The following LIPA variants were observed in gnomAD, a reference collection of about 807,000 sequenced individuals.
LIPA encodes lipase A, lysosomal acid type.
LIPA carries 26 observed loss-of-function variants against 40.6 expected under a neutral mutation model. That is an observed-to-expected ratio of 0.64 (90% CI 0.47 to 0.89). LIPA has a LOEUF of 0.89. Among genes scored for constraint, LIPA ranks in the 40% least tolerant of loss-of-function variants. LIPA has a pLI of 0.00. For synonymous variants in LIPA, 188 were observed against 168.4 expected (o/e 1.12, Z -0.90); for missense variants, 455 against 479.6 (o/e 0.95, Z 0.48).
chr10:89,240,847 A>G (rs543507607), intron 3 of LIPA, among the ~76,000 whole-genome samples: 1 of 152,238 alleles, frequency 6.6e-6, no homozygotes, highest in East Asian at 1.9e-4. Flanking sequence ...TTAAATCGCA[A>G]TGTCACAGGA....
intron 2 of LIPA, among the ~76,000 whole-genome samples, chr10:89,373,374 G>A (rs906028042): frequency 6.7e-6 from 1 of 148,428 alleles, no homozygotes; most frequent in African/African-American, 2.6e-5. Flanking sequence ...ACACGTGGGA[G>A]TCAGCCAGAA....
At chr10:89,367,624 G>C (rs1477418045) in intron 2 of LIPA, among the ~76,000 whole-genome samples, 2 of 152,206 alleles carry the variant, frequency 1.3e-5, no homozygotes, top group Non-Finnish European at 2.9e-5. Flanking sequence ...CTGATCAGGA[G>C]AGTCTGAATC....
upstream of LIPA, among the ~76,000 whole-genome samples, chr10:89,255,036 C>G (rs1843173956): frequency 1.3e-5 from 2 of 152,218 alleles, no homozygotes; most frequent in Non-Finnish European, 2.9e-5. Context: ...TTTCCCACGT[C>G]TTCCTGACTT....
chr10:89,226,759 T>G lies in LIPA; in HGVS notation c.538+136A>C, dbSNP rs1842774657. Reference sequence around the variant, plus strand: ...CTAAATGTTACCAACATTCCTTATCTTATTCATTATTTCTGTTTGGCATTT... The same window carrying G: ...CTAAATGTTACCAACATTCCTTATCGTATTCATTATTTCTGTTTGGCATTT... On this transcript the variant is annotated intron_variant, in intron 5 of 9. Transcript: ENST00000336233. 21 of 650,180 alleles carry G rather than the reference T, an allele frequency of 3.2e-5. No individual in the cohort carries two copies. The South Asian group carries it at 3.8e-4, about 12-fold the overall frequency. The allele number at this position is 650,180 out of a possible 1,614,324, so 40.3% of individuals were successfully genotyped here. A position where few individuals can be genotyped will look rare whatever the true frequency, so the allele number is the denominator to read the frequency against.
In LIPA at chr10:89,251,712, AGCGCCGCG is replaced by A. The variant is rs1044857442; in HGVS notation, c.-2+17_-2+24del. ...CTTCCACGCCGCACCCGCACCTGGCAGCGCCGCGGCGCCGGCACTCTCACCTGGAGCTG... is the reference window on the plus strand; with the variant it reads ...CTTCCACGCCGCACCCGCACCTGGCAGCGCCGGCACTCTCACCTGGAGCTG... On this transcript the variant is annotated intron_variant, in intron 1 of 9. Transcript: ENST00000336233. 2.0e-4 allele frequency: 30 copies of A among 152,426 alleles called. No homozygotes were observed. The highest frequency in any genetic ancestry group is 7.0e-4 in the African/African-American group (29 of 41,568). 9.4% of individuals were successfully genotyped at this position (152,426 alleles called of 1,614,324 possible).
At position 89,222,595 on chromosome 10, in the gene LIPA, TA is replaced by T; in HGVS notation, c.823-14del. On this transcript the variant is annotated splice_polypyrimidine_tract_variant and intron_variant, in intron 7 of 9. Transcript: ENST00000336233. Reference sequence around the variant, plus strand: ...CATCCACTCTAGACTGCAAAATAAATACATTGAAATGAAGAATGAAAACAGC... The same window carrying T: ...CATCCACTCTAGACTGCAAAATAAATCATTGAAATGAAGAATGAAAACAGC... 1 of 1,486,580 alleles carries T rather than the reference TA, an allele frequency of 6.7e-7. No homozygotes were observed. The highest frequency in any genetic ancestry group is 9.4e-7 in the Non-Finnish European group (1 of 1,063,700). The allele number at this position is 1,486,580 out of a possible 1,614,324, so 92.1% of individuals were successfully genotyped here.
chr10:89,331,019 AC>A (rs1225374137), intron 1 of LIPA, among the ~76,000 whole-genome samples: 1 of 152,008 alleles, frequency 6.6e-6, no homozygotes, highest in Non-Finnish European at 1.5e-5. Flanking sequence ...AGTTTATTCA[AC>A]AAAAAGTTGA....
chr10:89,339,502 T>C lies in LIPA; in HGVS notation c.-2+3109A>G. ...TGGCTACCTCTATCACCAGATTGGG[T>C]GCTGCTACAAGGCAAAAGTAAGACA... On this transcript the variant is annotated intron_variant, in intron 1 of 5. Transcript: ENST00000282673. 1.2e-6 allele frequency: 2 copies of C among 1,614,128 alleles called. No homozygotes were observed. The highest frequency in any genetic ancestry group is 3.3e-4 in the Middle Eastern group (2 of 6,062).
chr10:89,375,368 G>A (rs185531418), intron 2 of LIPA, among the ~76,000 whole-genome samples: 3 of 152,262 alleles, frequency 2.0e-5, no homozygotes, highest in Admixed American at 6.5e-5. Flanking sequence ...AAGGTAAAGG[G>A]TTTTAATAGT....
intron 1 of LIPA, among the ~76,000 whole-genome samples, chr10:89,323,772 A>T (rs896106396): frequency 1.3e-5 from 2 of 152,232 alleles, no homozygotes; most frequent in African/African-American, 4.8e-5. Context: ...AACATTGTTC[A>T]AAGAAATCAG....
At chr10:89,225,284 GAA>G (rs1842754267) in intron 5 of LIPA, 56 bp from the exon 6 acceptor site, 1 of 1,610,436 alleles carries the variant, frequency 6.2e-7, no homozygotes, top group Non-Finnish European at 8.5e-7. Flanking sequence ...TTCCTTCTCA[GAA>G]AACACAAAGG....
rs576394167 is a variant in LIPA, at chr10:89,384,234, C to G, written c.61+28557G>C. 8 of 1,614,170 alleles carry G rather than the reference C, an allele frequency of 5.0e-6. No individual in the cohort carries two copies. Among genetic ancestry groups the G allele is most frequent in the Non-Finnish European group, 6.8e-6 (8 of 1,180,024 alleles). On this transcript the variant is annotated intron_variant, in intron 2 of 8. Coordinates refer to the LIPA transcript ENST00000371837. ...TGATCCAAATCAAGGAAGCTACAAACTGGCAGCCTAGAGGGCAAGATAGGG... is the reference window on the plus strand; with the variant it reads ...TGATCCAAATCAAGGAAGCTACAAAGTGGCAGCCTAGAGGGCAAGATAGGG...
intron 5 of LIPA, among the ~76,000 whole-genome samples, chr10:89,225,775 A>G (rs961629118): frequency 2.1e-4 from 32 of 151,932 alleles, no homozygotes; most frequent in African/African-American, 7.5e-4. Context: ...TGTGGGAGGG[A>G]CCTGGTGGGA....
rs765543592 is a variant in LIPA, at chr10:89,223,766, A to T, written c.740T>A (p.Val247Asp). Residue 247 changes from valine to aspartate, a missense_variant, in exon 7 of 10, where the codon GTT becomes GAT. Physicochemically the swap from Val to Asp is radical, Grantham distance 152. Coordinates refer to ENST00000336233, the MANE Select transcript of LIPA (RefSeq NM_000235.4). Reference protein sequence around the residue: ...SAFLKWLGTHVCTHVILKELC... With the variant: ...SAFLKWLGTHDCTHVILKELC... ...CTCCTTCAGTATGACATGAGTGCAA[A>T]CGTGGGTACCCAGCCACTTCAAAAA... 1.2e-6 allele frequency: 2 copies of T among 1,613,930 alleles called. No individual in the cohort carries two copies. Among genetic ancestry groups the T allele is most frequent in the South Asian group, 2.2e-5 (2 of 91,080 alleles).
chr10:89,403,182 A>G, intron 2 of LIPA: 1 of 1,614,044 alleles, frequency 6.2e-7, no homozygotes, highest in Non-Finnish European at 8.5e-7. Flanking sequence ...GATCCAAATC[A>G]AGGAGGCTAC....
intron 7 of LIPA, 35 bp downstream of exon 7, chr10:89,223,646 TAAA>T: frequency 1.6e-6 from 2 of 1,226,988 alleles, no homozygotes; most frequent in East Asian, 2.9e-5. Flanking sequence ...CATTCACAGA[TAAA>T]AAAAAAAATC....
Position 89,311,895 on chromosome 10 carries a change from A to T in LIPA, c.-2+30716T>A, listed in dbSNP as rs116966526. Among the ~76,000 whole-genome samples, 301 of 152,300 alleles carry T rather than the reference A, an allele frequency of 2.0e-3. 1 individual carries two copies. The highest frequency in any genetic ancestry group is 3.1e-3 in the Non-Finnish European group (212 of 68,022). ...TTCCAAAAAAGGCACTGGCGTATAG[A>T]TCACAGAAAAATAAAATATTCAAGT... is the stretch of plus-strand genomic sequence containing the variant. On this transcript the variant is annotated intron_variant, in intron 1 of 5. Coordinates refer to the LIPA transcript ENST00000282673.
chr10:89,295,284 G>A (rs917986710), intron 1 of LIPA, among the ~76,000 whole-genome samples: 1 of 151,982 alleles, frequency 6.6e-6, no homozygotes, highest in Non-Finnish European at 1.5e-5. Context: ...TAACAAGTGC[G>A]AATACTATTG....
intron 3 of LIPA, among the ~76,000 whole-genome samples, chr10:89,244,488 C>A (rs75402299): frequency 3.9e-4 from 60 of 152,150 alleles, no homozygotes; most frequent in African/African-American, 1.4e-3. Context: ...AGAGAATAAG[C>A]TACATCTTAC....
Sources: gnomAD v4.1 joint callset for allele counts (sites outside exome capture counted in the v4.1 genomes callset) on GRCh38, gnomAD v4.1.1 for gene constraint, MANE v1.5 for transcripts, NCBI Gene and HGNC (gene_info 2026-07-23, HGNC 2026-07-21) for gene names.